Variants in MAPKAPK5 observed in about 807,000 individuals in gnomAD.
MAPKAPK5 encodes the protein MAPK activated protein kinase 5.
Under a neutral mutation model 65.1 loss-of-function variants are expected in MAPKAPK5, and 30 were observed. That is an observed-to-expected ratio of 0.46 (90% CI 0.34 to 0.63). The LOEUF is 0.63. Ranked by LOEUF, MAPKAPK5 falls within the 20% of genes least tolerant of loss-of-function variation. MAPKAPK5 has a pLI of 0.01. For missense variants in MAPKAPK5, 433 were observed against 581.4 expected, an observed-to-expected ratio of 0.74 and a Z score of 2.63; for synonymous variants, 179 against 204.6, an observed-to-expected ratio of 0.87 and a Z score of 1.07.
intron 2 of MAPKAPK5, 113 bp from the exon 3 acceptor site, chr12:111,866,043 T>C: frequency 2.5e-6 from 2 of 786,986 alleles, no homozygotes; most frequent in Non-Finnish European, 4.0e-6. Context: ...TTGTTCTGGA[T>C]GCACCTGGCC....
chr12:111,874,040 G>A (rs2069870215), intron 7 of MAPKAPK5, among the ~76,000 whole-genome samples: 1 of 152,138 alleles, frequency 6.6e-6, no homozygotes, highest in Non-Finnish European at 1.5e-5. Context: ...TACAGGTCTT[G>A]CACATATTTT....
At chr12:111,849,999 T>C (rs2069025249) in intron 1 of MAPKAPK5, among the ~76,000 whole-genome samples, 1 of 151,848 alleles carries the variant, frequency 6.6e-6, no homozygotes, top group Non-Finnish European at 1.5e-5. Flanking sequence ...GCTAGAATTA[T>C]AGGCATGAAC....
intron 7 of MAPKAPK5, among the ~76,000 whole-genome samples, chr12:111,874,948 T>C (rs2069915903): frequency 1.3e-5 from 2 of 151,668 alleles, no homozygotes; most frequent in African/African-American, 4.8e-5. Context: ...CTAATTTTTT[T>C]TCATATTTTT....
chr12:111,859,518 G>A (rs1482444715), intron 1 of MAPKAPK5, among the ~76,000 whole-genome samples: 1 of 152,132 alleles, frequency 6.6e-6, no homozygotes, highest in East Asian at 1.9e-4. Context: ...TCCTGCCTTG[G>A]CCTCCCAAGT....
chr12:111,877,336 A>G (rs1259769378), intron 7 of MAPKAPK5, among the ~76,000 whole-genome samples: 3 of 151,590 alleles, frequency 2.0e-5, no homozygotes, highest in Admixed American at 1.3e-4. Flanking sequence ...TTTTTCTTTA[A>G]TATTTCTGGC....
chr12:111,863,608 T>G (rs950532651), intron 1 of MAPKAPK5, among the ~76,000 whole-genome samples: 19 of 147,086 alleles, frequency 1.3e-4, no homozygotes, highest in African/African-American at 4.5e-4. Flanking sequence ...GGATTTTGAT[T>G]TTTTTTTTTT....
intron 10 of MAPKAPK5, among the ~76,000 whole-genome samples, chr12:111,886,871 G>A (rs1406860221): frequency 6.6e-6 from 1 of 152,178 alleles, no homozygotes; most frequent in Non-Finnish European, 1.5e-5. Context: ...TCTAGAAGTC[G>A]GAGGTGGCTG....
intron 8 of MAPKAPK5, among the ~76,000 whole-genome samples, chr12:111,882,336 C>T (rs1005896139): frequency 4.6e-5 from 7 of 152,118 alleles, no homozygotes; most frequent in Middle Eastern, 3.2e-3. Flanking sequence ...GCTGAGATCG[C>T]GCCACTGCAC....
At chr12:111,860,207 C>T (rs1450372130) in intron 1 of MAPKAPK5, among the ~76,000 whole-genome samples, 1 of 152,128 alleles carries the variant, frequency 6.6e-6, no homozygotes, top group Non-Finnish European at 1.5e-5. Flanking sequence ...AGGCTTTTAC[C>T]CTATCCTGAT....
intron 10 of MAPKAPK5, among the ~76,000 whole-genome samples, chr12:111,886,384 G>T (rs1426699065): frequency 1.3e-5 from 2 of 152,298 alleles, no homozygotes; most frequent in Non-Finnish European, 2.9e-5. Flanking sequence ...AACAAAGAGG[G>T]AACATTTCAA....
At chr12:111,849,738 G>A (rs984276808) in intron 1 of MAPKAPK5, among the ~76,000 whole-genome samples, 32 of 151,650 alleles carry the variant, frequency 2.1e-4, no homozygotes, top group African/African-American at 6.5e-4. Flanking sequence ...TATTTTGTTA[G>A]GACAGTCTCA....
chr12:111,900,122 G>A lies in MAPKAPK5; in HGVS notation c.*7061G>A, dbSNP rs1353351753. On this transcript the variant is annotated 3_prime_UTR_variant, in exon 14 of 14. Transcript: ENST00000550735. ...TGGCTGGAATGGAGATTTGGACCGA[G>A]GGGGACCTAATAGATGTCACAGTGG... 1 of 456,042 alleles carries A rather than the reference G, an allele frequency of 2.2e-6. No individual in the cohort carries two copies. Among genetic ancestry groups the A allele is most frequent in the South Asian group, 1.5e-5 (1 of 64,544 alleles). The allele number at this position is 456,042 out of a possible 1,614,324, so 28.2% of individuals were successfully genotyped here.
intron 7 of MAPKAPK5, among the ~76,000 whole-genome samples, chr12:111,871,657 A>T (rs547229584): frequency 4.6e-5 from 7 of 152,328 alleles, no homozygotes; most frequent in African/African-American, 1.7e-4. Flanking sequence ...AAAAATAAAT[A>T]AAATAAAATA....
intron 12 of MAPKAPK5, 65 bp downstream of exon 12, chr12:111,889,065 G>T (rs2070513930): frequency 2.0e-6 from 3 of 1,504,818 alleles, no homozygotes; most frequent in Middle Eastern, 1.8e-4. Flanking sequence ...GGGGTGGGTG[G>T]GTGTATGCAT....
chr12:111,849,563 A>G lies in MAPKAPK5; in HGVS notation c.36+6794A>G, dbSNP rs140052944. Among the ~76,000 whole-genome samples the G allele has an allele frequency of 3.6e-3, 551 of 152,322 alleles. 4 individuals are homozygous for G. The highest frequency in any genetic ancestry group is 0.017 in the Middle Eastern group (5 of 294). The stretch of plus-strand genomic sequence containing the variant: ...AGGCGTCAGCCACCGCACCTGGCCT[A>G]GAGTTCTTTATAAACTGAATAAAAG... On this transcript the variant is annotated intron_variant, in intron 1 of 13. Coordinates refer to ENST00000550735, the MANE Select transcript of MAPKAPK5 (RefSeq NM_003668.4).
At chr12:111,851,024 G>A (rs1407456527) in intron 1 of MAPKAPK5, among the ~76,000 whole-genome samples, 2 of 150,952 alleles carry the variant, frequency 1.3e-5, no homozygotes, top group Admixed American at 6.6e-5. Context: ...TCAGCCTCCC[G>A]AGTAGCTGGG....
rs145212483 is a variant in MAPKAPK5 at position 111,901,943 on chromosome 12, T to C, written c.*8882T>C. ...TCACATTTCATTTGAACCATTAACATGCATCTTTGGACATCAATGTCCTTG... is the reference window on the plus strand; with the variant it reads ...TCACATTTCATTTGAACCATTAACACGCATCTTTGGACATCAATGTCCTTG... On this transcript the variant is annotated 3_prime_UTR_variant, in exon 14 of 14. Transcript: ENST00000550735. 2 of 153,034 alleles carry C rather than the reference T, an allele frequency of 1.3e-5. No homozygotes were observed. Among genetic ancestry groups the C allele is most frequent in the Non-Finnish European group, 2.9e-5 (2 of 68,696 alleles). The allele number at this position is 153,034 out of a possible 1,614,324, so 9.5% of individuals were successfully genotyped here. A position where few individuals can be genotyped will look rare whatever the true frequency, so the allele number is the denominator to read the frequency against.
chr12:111,851,281 C>G (rs1024804645), intron 1 of MAPKAPK5, among the ~76,000 whole-genome samples: 1 of 152,086 alleles, frequency 6.6e-6, no homozygotes, highest in Non-Finnish European at 1.5e-5. Flanking sequence ...TTGAAGTGGT[C>G]TACTTGTCCA....
chr12:111,869,994 C>T (rs2069731573), intron 5 of MAPKAPK5, among the ~76,000 whole-genome samples: 1 of 152,150 alleles, frequency 6.6e-6, no homozygotes, highest in South Asian at 2.1e-4. Flanking sequence ...TCATTTTTCC[C>T]ATTTCTTACA....
Sources: gnomAD v4.1 joint callset for allele counts (sites outside exome capture counted in the v4.1 genomes callset) on GRCh38, gnomAD v4.1.1 for gene constraint, MANE v1.5 for transcripts, NCBI Gene and HGNC (gene_info 2026-07-23, HGNC 2026-07-21) for gene names.